The following TECPR2 variants were observed in gnomAD, a reference collection of about 807,000 sequenced individuals.
TECPR2 encodes the protein tectonin beta-propeller repeat containing 2.
In TECPR2, 65 loss-of-function variants were observed where a neutral mutation model predicts 138.1. The ratio of observed to expected loss-of-function variants is 0.47; its 90% CI spans 0.39 to 0.58. TECPR2 has a LOEUF of 0.58. TECPR2 is among the 20% of genes least tolerant of loss of function. The pLI, the probability that TECPR2 is intolerant of heterozygous loss-of-function variation, is 0.00. For missense variants in TECPR2, 1,553 were observed against 1,824.5 expected, an observed-to-expected ratio of 0.85 and a Z score of 2.71; for synonymous variants, 746 against 749.8, an observed-to-expected ratio of 0.99 and a Z score of 0.08.
At chr14:102,399,276 A>T (rs1888404994) in intron 2 of TECPR2, among the ~76,000 whole-genome samples, 1 of 152,178 alleles carries the variant, frequency 6.6e-6, no homozygotes, top group Non-Finnish European at 1.5e-5. Flanking sequence ...AACAAAACAA[A>T]ACAAAAAAAC....
Position 102,368,100 on chromosome 14 carries a change from C to T in TECPR2, c.-73+4984C>T, listed in dbSNP as rs576332647. On this transcript the variant is annotated intron_variant, in intron 1 of 19. Coordinates refer to ENST00000359520, the MANE Select transcript of TECPR2 (RefSeq NM_014844.5). ...TTGGCTCACTACAACCTCCACCTCT[C>T]GGGTTCAGGTGATTCTTGTTCCTTC... Among the ~76,000 whole-genome samples, 13 of 145,178 alleles carry T rather than the reference C, an allele frequency of 9.0e-5. 1 individual carries two copies. The highest frequency in any genetic ancestry group is 7.4e-3 in the Middle Eastern group (2 of 272).
intron 16 of TECPR2, among the ~76,000 whole-genome samples, chr14:102,462,828 C>T (rs1890439862): frequency 6.6e-6 from 1 of 152,190 alleles, no homozygotes; most frequent in South Asian, 2.1e-4. Context: ...AGACTAGTAC[C>T]TACAATGTGC....
intron 15 of TECPR2, 41 bp from the exon 16 acceptor site, chr14:102,452,353 G>A: frequency 6.3e-7 from 1 of 1,582,182 alleles, no homozygotes; most frequent in Non-Finnish European, 8.6e-7. Context: ...GCGGCTTGGT[G>A]CAGACAACAC....
intron 16 of TECPR2, 42 bp from the exon 17 acceptor site, chr14:102,465,099 T>C (rs1890522417): frequency 1.9e-6 from 3 of 1,599,236 alleles, no homozygotes; most frequent in Non-Finnish European, 2.6e-6. Context: ...ATAGTCATTG[T>C]ACAAAAGTAA....
At chr14:102,463,412 G>A (rs1431919094) in intron 16 of TECPR2, among the ~76,000 whole-genome samples, 3 of 100,966 alleles carry the variant, frequency 3.0e-5, no homozygotes, top group East Asian at 3.0e-4. Flanking sequence ...GCGAGACTCC[G>A]TCTCAAAAAA....
At chr14:102,433,011 A>G (rs1343312786) in intron 8 of TECPR2, among the ~76,000 whole-genome samples, 1 of 151,964 alleles carries the variant, frequency 6.6e-6, no homozygotes, top group African/African-American at 2.4e-5. Flanking sequence ...TCAAAAAAAA[A>G]AAAAAAAAAA....
At chr14:102,398,208 A>G (rs941783513) in intron 2 of TECPR2, among the ~76,000 whole-genome samples, 2 of 152,172 alleles carry the variant, frequency 1.3e-5, no homozygotes, top group African/African-American at 4.8e-5. Flanking sequence ...AAATACAATA[A>G]CTGAAATGAG....
In TECPR2 at chr14:102,487,461, T is replaced by C. The variant is rs1891053532; in HGVS notation, c.3790-9518T>C. Among the ~76,000 whole-genome samples the C allele has an allele frequency of 2.0e-5, 3 of 152,262 alleles. No homozygotes were observed. The South Asian group carries it at 6.2e-4, about 31-fold the overall frequency. On this transcript the variant is annotated intron_variant, in intron 17 of 19. Transcript: ENST00000359520. ...GTGTGCGTGCGCACACGTGTGTTGA[T>C]AAAAGCTATGATAAAAGCTCAGCTA...
At chr14:102,466,311 A>G (rs553257832) in intron 17 of TECPR2, among the ~76,000 whole-genome samples, 2 of 152,290 alleles carry the variant, frequency 1.3e-5, no homozygotes, top group East Asian at 1.9e-4. Flanking sequence ...TTCCTCCTCC[A>G]GAGGGTGATG....
intron 17 of TECPR2, among the ~76,000 whole-genome samples, chr14:102,484,547 C>T (rs985339732): frequency 2.6e-5 from 4 of 152,158 alleles, no homozygotes; most frequent in African/African-American, 9.7e-5. Context: ...GGTGGGGAGT[C>T]GTTGCTTTTA....
chr14:102,434,992 G>C lies in TECPR2; in HGVS notation c.2175G>C (p.Leu725=). 1 of 1,614,134 alleles carries C rather than the reference G, an allele frequency of 6.2e-7. No homozygotes were observed. The highest frequency in any genetic ancestry group is 8.5e-7 in the Non-Finnish European group (1 of 1,180,028). ...ERVLGSVGGQ[L]TPVSALAAST... ...TCTTGGGGAGTGTGGGAGGACAGCT[G>C]ACTCCGGTCTCTGCCTTGGCAGCCA... is the stretch of plus-strand genomic sequence containing the variant. Residue 725 remains leucine, a synonymous_variant, in exon 9 of 20, where the codon CTG becomes CTC. Coordinates refer to ENST00000359520, the MANE Select transcript of TECPR2 (RefSeq NM_014844.5).
chr14:102,391,468 G>A (rs1254751241), intron 2 of TECPR2, among the ~76,000 whole-genome samples: 1 of 152,148 alleles, frequency 6.6e-6, no homozygotes, highest in African/African-American at 2.4e-5. Flanking sequence ...GGTGGGGTAT[G>A]TAGTCAGGCA....
intron 16 of TECPR2, among the ~76,000 whole-genome samples, chr14:102,464,901 G>A (rs1207512077): frequency 6.6e-6 from 1 of 152,210 alleles, no homozygotes; most frequent in Non-Finnish European, 1.5e-5. Flanking sequence ...CGCCTGGCAG[G>A]TGGCAGAGTG....
Position 102,431,840 on chromosome 14 carries a change from G to T in TECPR2, c.1129G>T (p.Val377Leu), listed in dbSNP as rs527904656. 3.1e-6 allele frequency: 5 copies of T among 1,596,890 alleles called. No homozygotes were observed. The highest frequency in any genetic ancestry group is 2.2e-5 in the South Asian group (2 of 90,594). Residue 377 changes from valine (V) to leucine (L), a missense_variant, in exon 8 of 20, where the codon GTG becomes TTG. Transcript: ENST00000359520. Reference sequence around the variant, plus strand: ...GTCTGGATGCTCAGAGCGTGTCCACGTGCAGCAAGCGGAGAAGCTGCCAGG... The same window carrying T: ...GTCTGGATGCTCAGAGCGTGTCCACTTGCAGCAAGCGGAGAAGCTGCCAGG... Reference protein sequence around the residue: ...EMSGCSERVHVQQAEKLPGAT... With the variant: ...EMSGCSERVHLQQAEKLPGAT...
chr14:102,463,441 A>G (rs547656158), intron 16 of TECPR2, among the ~76,000 whole-genome samples: 10 of 148,922 alleles, frequency 6.7e-5, no homozygotes, highest in Non-Finnish European at 1.5e-4. Flanking sequence ...AAAAAAAAAG[A>G]AAAAAACAAA....
At position 102,419,114 on chromosome 14, in the gene TECPR2, T is replaced by C. The variant is rs1331875228; in HGVS notation, c.638+4321T>C. On this transcript the variant is annotated intron_variant, in intron 5 of 19. Transcript: ENST00000359520. The surrounding 1 kb of genome is among the most constrained non-coding windows in gnomAD (Gnocchi z 4.8). Reference sequence around the variant, plus strand: ...TCGCCTAGGGAGATTTGGGCAGGCTTGTGTTCTGAAGAGGAAAGGGCATCA... The same window carrying C: ...TCGCCTAGGGAGATTTGGGCAGGCTCGTGTTCTGAAGAGGAAAGGGCATCA... Among the ~76,000 whole-genome samples, 1 of 151,852 alleles carries C rather than the reference T, an allele frequency of 6.6e-6. No individual in the cohort carries two copies. The highest frequency in any genetic ancestry group is 1.5e-5 in the Non-Finnish European group (1 of 67,970).
chr14:102,408,440 C>A, intron 3 of TECPR2, 48 bp from the exon 4 acceptor site: 1 of 1,567,128 alleles, frequency 6.4e-7, no homozygotes, highest in Admixed American at 2.0e-5. Context: ...CAGCTCACAG[C>A]ATTTATCCTT....
chr14:102,452,402 C>T lies in TECPR2; in HGVS notation c.3415C>T (p.Leu1139=). ...ATGACCCCTTTCTGCAGGAAGCTTC[C>T]TGTGGCTGTGCCAGAGCAGCAAGGA... ...SAAPTKEGSF[L]WLCQSSKDLC... The change falls in exon 16 of 20, where the codon CTG becomes TTG. Residue 1139 remains leucine (L), a synonymous_variant. Transcript: ENST00000359520. 1.9e-6 allele frequency: 3 copies of T among 1,606,010 alleles called. No individual in the cohort carries two copies. The highest frequency in any genetic ancestry group is 2.6e-6 in the Non-Finnish European group (3 of 1,173,310).
At chr14:102,466,168 G>A (rs765499681) in intron 17 of TECPR2, among the ~76,000 whole-genome samples, 2 of 152,120 alleles carry the variant, frequency 1.3e-5, no homozygotes, top group Non-Finnish European at 2.9e-5. Flanking sequence ...GGACACCAGT[G>A]GTGTCCACCA....
Sources: allele counts gnomAD v4.1 joint callset (sites outside exome capture counted in the v4.1 genomes callset), GRCh38; gene constraint gnomAD v4.1.1; non-coding constraint Gnocchi (gnomAD v3.1); transcripts MANE v1.5; gene names NCBI Gene and HGNC (gene_info 2026-07-23, HGNC 2026-07-21).